Variants in BPTF observed in about 807,000 individuals in gnomAD.
BPTF encodes the protein nucleosome-remodeling factor subunit BPTF.
A neutral mutation model predicts 292.5 loss-of-function variants in BPTF; 18 were observed. That is an observed-to-expected ratio of 0.06 (90% CI 0.04 to 0.09). BPTF has a LOEUF of 0.09. Ranked by LOEUF, BPTF falls within the 10% of genes least tolerant of loss-of-function variation. The pLI, the probability that BPTF is intolerant of heterozygous loss-of-function variation, is 1.00. For synonymous variants in BPTF, 1,225 were observed against 1,251.9 expected, an observed-to-expected ratio of 0.98 and a Z score of 0.45; for missense variants, 2,726 against 3,498.7, an observed-to-expected ratio of 0.78 and a Z score of 5.57.
intron 4 of BPTF, among the ~76,000 whole-genome samples, chr17:67,882,507 A>G (rs2060486892): frequency 6.6e-6 from 1 of 152,240 alleles, no homozygotes; most frequent in Non-Finnish European, 1.5e-5. Flanking sequence ...GCTTTATCCC[A>G]ATACAGGGTA....
intron 4 of BPTF, among the ~76,000 whole-genome samples, chr17:67,883,584 CTTGT>C (rs1380518205): frequency 1.3e-5 from 2 of 151,686 alleles, no homozygotes; most frequent in Non-Finnish European, 1.5e-5. Context: ...TTGAATGTTG[CTTGT>C]TTGTTTTGTT....
In BPTF at chr17:67,929,330, T is replaced by C. The variant is rs1598731394; in HGVS notation, c.5999-6T>C. 2 of 1,612,920 alleles carry C rather than the reference T, an allele frequency of 1.2e-6. No individual in the cohort carries two copies. Among genetic ancestry groups the C allele is most frequent in the Non-Finnish European group, 1.7e-6 (2 of 1,179,588 alleles). On this transcript the variant is annotated splice_region_variant and splice_polypyrimidine_tract_variant and intron_variant, in intron 16 of 27. Coordinates refer to ENST00000306378, the MANE Select transcript of BPTF (RefSeq NM_182641.4). ...GTTTTTAATTATGGCTTCATCTTTT[T>C]TTAAGGCGTTGTTCAAGTACAGCAG...
At chr17:67,923,908 C>T (rs1474246410) in intron 14 of BPTF, among the ~76,000 whole-genome samples, 3 of 152,096 alleles carry the variant, frequency 2.0e-5, no homozygotes, top group Admixed American at 6.5e-5. Flanking sequence ...AGTGCAGTGG[C>T]GCGATCTTGG....
intron 2 of BPTF, among the ~76,000 whole-genome samples, chr17:67,858,258 CTTT>C (rs2058838459): frequency 6.6e-6 from 1 of 152,186 alleles, no homozygotes; most frequent in South Asian, 2.1e-4. Flanking sequence ...ATATGTGTAA[CTTT>C]TTTCTTTTCT....
At chr17:67,907,358 CTT>C (rs752361872) in intron 9 of BPTF, among the ~76,000 whole-genome samples, 15 of 135,064 alleles carry the variant, frequency 1.1e-4, no homozygotes, top group Non-Finnish European at 9.6e-5. Flanking sequence ...AAGTTTATCA[CTT>C]TTTTTTTTTT....
At chr17:67,889,680 C>T (rs1598446623) in intron 4 of BPTF, among the ~76,000 whole-genome samples, 2 of 152,116 alleles carry the variant, frequency 1.3e-5, no homozygotes, top group Admixed American at 6.5e-5. Context: ...TGGTGGCGGG[C>T]GCCTGTAATC....
intron 18 of BPTF, among the ~76,000 whole-genome samples, chr17:67,935,991 CAT>C (rs1287123298): frequency 1.3e-5 from 2 of 151,912 alleles, no homozygotes; most frequent in Non-Finnish European, 2.9e-5. Flanking sequence ...GTCTCAATGA[CAT>C]ATCAACAGAA....
intron 4 of BPTF, chr17:67,886,292 C>T: frequency 6.2e-7 from 1 of 1,613,246 alleles, no homozygotes; most frequent in South Asian, 1.1e-5. Context: ...ATCTCATACA[C>T]CTGTCTCTAT....
chr17:67,937,340 C>G (rs554660880), intron 18 of BPTF, among the ~76,000 whole-genome samples: 1 of 151,266 alleles, frequency 6.6e-6, no homozygotes, highest in African/African-American at 2.4e-5. Flanking sequence ...GCCTGTAATC[C>G]CAGCTACTCG....
chr17:67,912,501 A>G lies in BPTF; in HGVS notation c.4617A>G (p.Ser1539=), dbSNP rs1217090637. 6.2e-7 allele frequency: 1 copy of G among 1,613,972 alleles called. No individual in the cohort carries two copies. The highest frequency in any genetic ancestry group is 1.1e-5 in the South Asian group (1 of 91,028). Reference sequence around the variant, plus strand: ...TAGAAGATATGGAAATAGAAACCTCAGAAGTTAAGAAAGTTACTTCATCAC... The same window carrying G: ...TAGAAGATATGGAAATAGAAACCTCGGAAGTTAAGAAAGTTACTTCATCAC... ...NQVEDMEIET[S]EVKKVTSSPI... is the part of the protein sequence containing the mutation. The change falls in exon 11 of 28, where the codon TCA becomes TCG. Residue 1539 remains serine (S), a synonymous_variant. Transcript: ENST00000306378.
chr17:67,923,447 T>C (rs2063598388), intron 14 of BPTF, among the ~76,000 whole-genome samples: 1 of 150,422 alleles, frequency 6.6e-6, no homozygotes, highest in South Asian at 2.1e-4. Context: ...CTGTAAATAG[T>C]TTAGTAAGGT....
At chr17:67,962,134 CAAAAGAAAAAAAG>C (rs781887434) in intron 24 of BPTF, among the ~76,000 whole-genome samples, 37 of 151,258 alleles carry the variant, frequency 2.4e-4, no homozygotes, top group South Asian at 6.2e-4. Context: ...TACAGCGAGA[CAAAAGAAAAAAAG>C]AAAAAAGTTA....
intron 11 of BPTF, among the ~76,000 whole-genome samples, chr17:67,914,280 C>T (rs8070191): frequency 1.3e-5 from 2 of 152,052 alleles, no homozygotes; most frequent in African/African-American, 4.8e-5. Context: ...TAAGTACTCT[C>T]TATAAAGGAA....
chr17:67,980,946 C>T (rs2070274715), intron 27 of BPTF, among the ~76,000 whole-genome samples: 1 of 152,098 alleles, frequency 6.6e-6, no homozygotes, highest in Admixed American at 6.5e-5. Context: ...TCGCTTGAGC[C>T]CAGGAGTTTG....
intron 1 of BPTF, among the ~76,000 whole-genome samples, chr17:67,832,783 C>CTTTTTTTT (rs60751133): frequency 9.8e-6 from 1 of 101,640 alleles, no homozygotes; most frequent in Non-Finnish European, 1.9e-5. Context: ...TGATTCGCCT[C>CTTTTTTTT]TTTTTTTTTT....
intron 5 of BPTF, among the ~76,000 whole-genome samples, chr17:67,892,918 C>T (rs2061217226): frequency 6.6e-6 from 1 of 152,018 alleles, no homozygotes. Context: ...TTTGAAGTAT[C>T]CATGGGGTCT....
intron 1 of BPTF, among the ~76,000 whole-genome samples, chr17:67,846,031 T>C (rs1436551107): frequency 3.3e-5 from 5 of 152,166 alleles, no homozygotes; most frequent in Non-Finnish European, 4.4e-5. Flanking sequence ...TTCTTTATCC[T>C]GTTTTGCTAC....
chr17:67,835,117 G>A (rs950252754), intron 1 of BPTF, among the ~76,000 whole-genome samples: 4 of 152,076 alleles, frequency 2.6e-5, no homozygotes, highest in African/African-American at 4.8e-5. Context: ...GGCTGAGGTG[G>A]GAGGATTGCT....
chr17:67,855,820 A>G (rs1027031772), intron 2 of BPTF, among the ~76,000 whole-genome samples: 1 of 152,246 alleles, frequency 6.6e-6, no homozygotes, highest in Non-Finnish European at 1.5e-5. Context: ...AATGAATGTC[A>G]GAGCAGGGCA....
Sources: allele counts gnomAD v4.1 joint callset (sites outside exome capture counted in the v4.1 genomes callset), GRCh38; gene constraint gnomAD v4.1.1; transcripts MANE v1.5; gene names NCBI Gene and HGNC (gene_info 2026-07-23, HGNC 2026-07-21).